MKX: variants seen among roughly 807,000 people sequenced by gnomAD.
MKX encodes the protein homeobox protein Mohawk.
Under a neutral mutation model 36.0 loss-of-function variants are expected in MKX, and 13 were observed. That is an observed-to-expected ratio of 0.36 (90% confidence interval 0.24 to 0.57). MKX has a LOEUF of 0.57. MKX is among the 20% of genes least tolerant of loss of function. MKX has a pLI of 0.79. For missense variants in MKX, 458 were observed against 456.4 expected (o/e 1.00, Z -0.03); for synonymous variants, 176 against 178.3 (o/e 0.99, Z 0.10).
At chr10:27,702,392 T>C (rs1221096010) in intron 5 of MKX, among the ~76,000 whole-genome samples, 1 of 152,194 alleles carries the variant, frequency 6.6e-6, no homozygotes, top group South Asian at 2.1e-4. Context: ...AGTTGATATG[T>C]AACTAAAAAC....
intron 5 of MKX, among the ~76,000 whole-genome samples, chr10:27,696,461 A>C (rs1045065851): frequency 1.4e-4 from 21 of 152,334 alleles, no homozygotes; most frequent in African/African-American, 5.0e-4. Context: ...GCAACAATCC[A>C]GAATAGTTTT....
rs184780666 is a variant in MKX at position 27,701,231 on chromosome 10, G to A, written c.839-25677C>T. Among the ~76,000 whole-genome samples the A allele has an allele frequency of 1.3e-3, 201 of 152,118 alleles. 1 individual carries two copies. Among genetic ancestry groups the A allele is most frequent in the Non-Finnish European group, 3.7e-4 (25 of 67,986 alleles). On this transcript the variant is annotated intron_variant, in intron 5 of 6. Coordinates refer to ENST00000419761, the MANE Select transcript of MKX (RefSeq NM_173576.3). ...CTGCTACTGTTGGAACAATTGCTACGTAACGTTTTAATAAACAAGGGTTTT... is the reference window on the plus strand; with the variant it reads ...CTGCTACTGTTGGAACAATTGCTACATAACGTTTTAATAAACAAGGGTTTT...
chr10:27,701,446 GTA>G (rs1361805293), intron 5 of MKX, among the ~76,000 whole-genome samples: 1 of 143,984 alleles, frequency 6.9e-6, no homozygotes, highest in Non-Finnish European at 1.5e-5. Flanking sequence ...AAATACATAA[GTA>G]TATAAAAGAT....
chr10:27,698,996 T>C (rs911396544), intron 5 of MKX, among the ~76,000 whole-genome samples: 1 of 152,210 alleles, frequency 6.6e-6, no homozygotes. Flanking sequence ...AAGTGTAAAA[T>C]ACCAGTCTTG....
chr10:27,725,028 AT>A (rs1834459274), intron 5 of MKX, among the ~76,000 whole-genome samples: 2 of 152,190 alleles, frequency 1.3e-5, no homozygotes, highest in African/African-American at 2.4e-5. Flanking sequence ...TGATTTAAGT[AT>A]TTTTTAAGTA....
chr10:27,691,673 C>T (rs1028980784), intron 5 of MKX, among the ~76,000 whole-genome samples: 2 of 152,098 alleles, frequency 1.3e-5, no homozygotes, highest in African/African-American at 2.4e-5. Context: ...AGCACAGTAC[C>T]CGATAGGCAG....
Position 27,741,546 on chromosome 10 carries a change from T to C in MKX, c.189-42A>G, listed in dbSNP as rs1307651731. ...GGAGGCGGCCCTGGTGAGCGACGCG[T>C]TTGCCCGCCCGGACGCTCCACGCCC... On this transcript the variant is annotated intron_variant, in intron 2 of 6. Coordinates refer to ENST00000419761, the MANE Select transcript of MKX (RefSeq NM_173576.3). The surrounding 1 kb of genome is among the most constrained non-coding windows in gnomAD (Gnocchi z 5.1). The C allele has an allele frequency of 2.0e-6, 3 of 1,529,510 alleles. No homozygotes were observed. Among genetic ancestry groups the C allele is most frequent in the Non-Finnish European group, 2.6e-6 (3 of 1,146,424 alleles). The allele number at this position is 1,529,510 out of a possible 1,614,324, so 94.7% of individuals were successfully genotyped here.
At position 27,735,326 on chromosome 10, in the gene MKX, G is replaced by A; in HGVS notation, c.397C>T (p.Arg133Ter). 1 of 1,613,716 alleles carries A rather than the reference G, an allele frequency of 6.2e-7. No individual in the cohort carries two copies. The highest frequency in any genetic ancestry group is 8.5e-7 in the Non-Finnish European group (1 of 1,179,864). The change falls in exon 4 of 7, where the codon CGA becomes TGA. Residue 133 changes from arginine to a stop codon, truncating the protein, a stop_gained. Transcript: ENST00000419761. LOFTEE classifies it high-confidence loss of function. ...NARRRLKNTV[R>*]QPDLSWALRI... ...AAAGCCCAGCTTAAATCTGGCTGTC[G>A]AACGGTATTCTTAAGCCGACGTCTT...
At chr10:27,686,545 C>T (rs748047239) in intron 5 of MKX, among the ~76,000 whole-genome samples, 25 of 151,562 alleles carry the variant, frequency 1.6e-4, no homozygotes, top group African/African-American at 4.6e-4. Context: ...GGTGTGATCT[C>T]GGCTCACTGC....
intron 5 of MKX, among the ~76,000 whole-genome samples, chr10:27,678,838 C>T (rs2132487581): frequency 6.6e-6 from 1 of 152,272 alleles, no homozygotes; most frequent in African/African-American, 2.4e-5. Flanking sequence ...CTGCAGCCAA[C>T]TGTGAAATTA....
chr10:27,703,625 T>A lies in MKX; in HGVS notation c.839-28071A>T, dbSNP rs1380823966. ...TAAAAGACTTCCAAGTTGGCAGGGC[T>A]TGGTGGCTCATACCTGTAATCCCAA... On this transcript the variant is annotated intron_variant, in intron 5 of 6. Transcript: ENST00000419761. Among the ~76,000 whole-genome samples the A allele has an allele frequency of 2.0e-5, 3 of 152,010 alleles. No homozygotes were observed. In the East Asian group the frequency reaches 5.8e-4, roughly 29 times the overall value.
At chr10:27,716,156 GA>G (rs2132604890) in intron 5 of MKX, among the ~76,000 whole-genome samples, 1 of 152,148 alleles carries the variant, frequency 6.6e-6, no homozygotes, top group South Asian at 2.1e-4. Flanking sequence ...TTATTGTAAG[GA>G]CTAACTAAAA....
At chr10:27,740,800 T>C (rs1343617583) in intron 3 of MKX, among the ~76,000 whole-genome samples, 1 of 152,206 alleles carries the variant, frequency 6.6e-6, no homozygotes, top group Non-Finnish European at 1.5e-5. Context: ...TGTGGGGGGT[T>C]GTTGATCCAA....
chr10:27,706,403 G>A (rs570562512), intron 5 of MKX, among the ~76,000 whole-genome samples: 1 of 152,216 alleles, frequency 6.6e-6, no homozygotes, highest in Non-Finnish European at 1.5e-5. Flanking sequence ...TACCCAGAAG[G>A]TGCATTGCTG....
chr10:27,673,237 G>A lies in MKX; in HGVS notation c.*1992C>T, dbSNP rs556872979. On this transcript the variant is annotated 3_prime_UTR_variant, in exon 7 of 7. Coordinates refer to ENST00000419761, the MANE Select transcript of MKX (RefSeq NM_173576.3). ...ATCATGTGAATAGTTGTCCTATATT[G>A]CCTTGTCATCTATAATTTATAACAT... 1 of 152,008 alleles carries A rather than the reference G, an allele frequency of 6.6e-6. No homozygotes were observed. Among genetic ancestry groups the A allele is most frequent in the African/African-American group, 2.4e-5 (1 of 41,362 alleles). 9.4% of individuals were successfully genotyped at this position (152,008 alleles called of 1,614,324 possible).
At position 27,711,496 on chromosome 10, in the gene MKX, TTCTTTCCTTCCTTC is replaced by T. The variant is rs1246315581; in HGVS notation, c.838+22946_838+22959del. On this transcript the variant is annotated intron_variant, in intron 5 of 6. Coordinates refer to ENST00000419761, the MANE Select transcript of MKX (RefSeq NM_173576.3). ...CTTTCTTTCTTTCTCTCTCTCTCTC[TTCTTTCCTTCCTTC>T]CTTCCTTCCTTCCTTCCTTCCTTCC... Among the ~76,000 whole-genome samples the T allele has an allele frequency of 1.2e-4, 11 of 89,706 alleles. No individual in the cohort carries two copies. In the East Asian group the frequency reaches 1.6e-3, roughly 13 times the overall value. The allele number at this position is 89,706 out of a possible 152,430, so 58.9% of individuals were successfully genotyped here.
At chr10:27,684,711 C>A (rs1335021598) in intron 5 of MKX, among the ~76,000 whole-genome samples, 1 of 152,212 alleles carries the variant, frequency 6.6e-6, no homozygotes, top group Admixed American at 6.5e-5. Context: ...CCAACTTAAA[C>A]TTGAATATTA....
At chr10:27,698,833 A>C (rs1455365294) in intron 5 of MKX, among the ~76,000 whole-genome samples, 1 of 152,212 alleles carries the variant, frequency 6.6e-6, no homozygotes, top group Non-Finnish European at 1.5e-5. Flanking sequence ...TTAATGTGGA[A>C]AGTCAGTCGC....
intron 1 of MKX, 23 bp from the exon 2 acceptor site, chr10:27,743,520 G>T: frequency 8.2e-7 from 1 of 1,218,490 alleles, no homozygotes; most frequent in African/African-American, 1.6e-5. Context: ...GGTGCATCTC[G>T]TTACTTACTG....
Sources: allele counts gnomAD v4.1 joint callset (sites outside exome capture counted in the v4.1 genomes callset), GRCh38; gene constraint gnomAD v4.1.1; non-coding constraint Gnocchi (gnomAD v3.1); transcripts MANE v1.5; gene names NCBI Gene and HGNC (gene_info 2026-07-23, HGNC 2026-07-21).